QTMAN: variants seen among roughly 807,000 people sequenced by gnomAD.
QTMAN encodes tRNA-queuosine alpha-mannosyltransferase.
the QTMAN span, among the ~76,000 whole-genome samples, chr2:144,259,019 G>C: frequency 6.6e-6 from 1 of 152,180 alleles, no homozygotes; most frequent in Non-Finnish European, 1.5e-5. Flanking sequence ...TACAGCCACA[G>C]GTACCCCAAA....
At chr2:144,167,520 T>C in the QTMAN span, among the ~76,000 whole-genome samples, 25 of 152,304 alleles carry the variant, frequency 1.6e-4, no homozygotes, top group South Asian at 1.2e-3. Flanking sequence ...GTGGAGGTAA[T>C]TGAATCACGG....
chr2:144,155,224 C>A, the QTMAN span, among the ~76,000 whole-genome samples: 1 of 152,030 alleles, frequency 6.6e-6, no homozygotes, highest in Admixed American at 6.6e-5. Context: ...AAGACAGGAT[C>A]CAAACAAAAG....
At chr2:144,025,331 G>C in the QTMAN span, among the ~76,000 whole-genome samples, 2 of 152,152 alleles carry the variant, frequency 1.3e-5, no homozygotes, top group East Asian at 3.9e-4. Context: ...CCTACTGCAT[G>C]CCCCCTAAAA....
At chr2:144,246,747 C>T in the QTMAN span, among the ~76,000 whole-genome samples, 1 of 152,276 alleles carries the variant, frequency 6.6e-6, no homozygotes, top group Middle Eastern at 3.4e-3. Context: ...AACCTGCTGT[C>T]ACCTGGCTTT....
chr2:144,007,378 C>T, the QTMAN span: 11 of 1,613,198 alleles, frequency 6.8e-6, no homozygotes, highest in African/African-American at 5.3e-5. Flanking sequence ...GTATCAAGGC[C>T]ACAGTGTGTA....
the QTMAN span, among the ~76,000 whole-genome samples, chr2:144,022,560 CTTTTTT>C: frequency 1.9e-5 from 2 of 104,244 alleles, no homozygotes; most frequent in Admixed American, 1.0e-4. Context: ...CTCTCTCTCT[CTTTTTT>C]TTTTTTTTTT....
At chr2:144,180,690 G>A in the QTMAN span, among the ~76,000 whole-genome samples, 1 of 152,148 alleles carries the variant, frequency 6.6e-6, no homozygotes, top group Non-Finnish European at 1.5e-5. Context: ...GGTGGCTGCT[G>A]CCTTTAAGTT....
the QTMAN span, among the ~76,000 whole-genome samples, chr2:143,966,673 T>C: frequency 2.0e-5 from 3 of 152,354 alleles, no homozygotes; most frequent in East Asian, 5.8e-4. Context: ...AATGAAGGGA[T>C]GATGCAAAAG....
chr2:143,981,841 AT>A, the QTMAN span, among the ~76,000 whole-genome samples: 6,075 of 151,992 alleles, frequency 0.04, 236 homozygotes, highest in East Asian at 0.17. Context: ...CATATGTTGT[AT>A]TTTTTTTCAT....
chr2:144,014,149 T>A, the QTMAN span, among the ~76,000 whole-genome samples: 1 of 152,220 alleles, frequency 6.6e-6, no homozygotes, highest in East Asian at 1.9e-4. Context: ...TATGGCTGCA[T>A]GCTCTTCTTT....
chr2:144,131,322 G>A, the QTMAN span, among the ~76,000 whole-genome samples: 1 of 151,858 alleles, frequency 6.6e-6, no homozygotes, highest in East Asian at 1.9e-4. Flanking sequence ...AAATCTCCCG[G>A]ACACTCCTCC....
chr2:144,274,729 C>T, the QTMAN span, among the ~76,000 whole-genome samples: 5 of 152,188 alleles, frequency 3.3e-5, no homozygotes, highest in African/African-American at 7.2e-5. Flanking sequence ...TTTGTAATAT[C>T]CTTTATAATA....
At chr2:143,966,409 G>A in the QTMAN span, among the ~76,000 whole-genome samples, 5 of 152,202 alleles carry the variant, frequency 3.3e-5, no homozygotes, top group African/African-American at 7.2e-5. Flanking sequence ...ACTGGAGTGG[G>A]ACTATAAGTT....
chr2:144,235,618 G>C, the QTMAN span: 1 of 152,430 alleles, frequency 6.6e-6, no homozygotes, highest in Non-Finnish European at 1.5e-5. Flanking sequence ...GAAAATGCCC[G>C]CATATTGCCA....
chr2:144,259,348 G>A, the QTMAN span, among the ~76,000 whole-genome samples: 1,342 of 152,096 alleles, frequency 8.8e-3, 14 homozygotes, highest in African/African-American at 0.03. Context: ...TGGTAGAGAC[G>A]GGGTTTCATC....
At chr2:144,249,442 A>G in the QTMAN span, among the ~76,000 whole-genome samples, 1 of 152,198 alleles carries the variant, frequency 6.6e-6, no homozygotes, top group African/African-American at 2.4e-5. Flanking sequence ...TGAAGTAAAG[A>G]GCTATTTATC....
At chr2:144,191,923 AAAT>A in the QTMAN span, among the ~76,000 whole-genome samples, 1 of 152,176 alleles carries the variant, frequency 6.6e-6, no homozygotes, top group African/African-American at 2.4e-5. Flanking sequence ...TATTGTACAA[AAAT>A]AATAGAATAC....
At chr2:144,199,305 T>G in the QTMAN span, among the ~76,000 whole-genome samples, 1 of 152,214 alleles carries the variant, frequency 6.6e-6, no homozygotes, top group African/African-American at 2.4e-5. Flanking sequence ...CGCCTCGGAT[T>G]CCCAAAGTAT....
chr2:144,271,319 C>A, the QTMAN span, among the ~76,000 whole-genome samples: 1 of 152,212 alleles, frequency 6.6e-6, no homozygotes, highest in South Asian at 2.1e-4. Flanking sequence ...TATTTGCTCA[C>A]ACTCTAGAAA....
Sources: gnomAD v4.1 joint callset for allele counts (sites outside exome capture counted in the v4.1 genomes callset) on GRCh38, gnomAD v4.1.1 for gene constraint, MANE v1.5 for transcripts, NCBI Gene and HGNC (gene_info 2026-07-23, HGNC 2026-07-21) for gene names.